Variants in SGIP1 observed in about 807,000 individuals in gnomAD.
SGIP1 encodes SH3-containing GRB2-like protein 3-interacting protein 1.
In SGIP1, 38 loss-of-function variants were observed where a neutral mutation model predicts 107.5. The observed-to-expected ratio is 0.35, with a 90% CI of 0.27 to 0.46. The LOEUF (loss-of-function observed/expected upper bound fraction) is 0.46, where lower values mean the gene tolerates loss of function less well. Ranked by LOEUF, SGIP1 falls within the 20% of genes least tolerant of loss-of-function variation. The pLI is 1.00. For missense variants in SGIP1, 929 were observed against 1,019.5 expected, an observed-to-expected ratio of 0.91 and a Z score of 1.21; for synonymous variants, 365 against 366.1, an observed-to-expected ratio of 1.00 and a Z score of 0.03.
chr1:66,670,096 A>G (rs1173672098), intron 9 of SGIP1, among the ~76,000 whole-genome samples: 2 of 152,024 alleles, frequency 1.3e-5, no homozygotes, highest in East Asian at 3.9e-4. Flanking sequence ...CCTGTCCTCA[A>G]CTCTGCCCCT....
chr1:66,743,345 T>G lies in SGIP1; in HGVS notation c.*250T>G. The G allele has an allele frequency of 2.8e-6, 1 of 355,726 alleles. No individual in the cohort carries two copies. The highest frequency in any genetic ancestry group is 5.2e-6 in the Non-Finnish European group (1 of 193,250). The allele number at this position is 355,726 out of a possible 1,614,324, so 22.0% of individuals were successfully genotyped here. A position where few individuals can be genotyped will look rare whatever the true frequency, so the allele number is the denominator to read the frequency against. ...ATTATTGTATTTGTAAATTGTACTC[T>G]CATTCCAGTAAGGCAGTTAGACACT... is the stretch of plus-strand genomic sequence containing the variant. On this transcript the variant is annotated 3_prime_UTR_variant, in exon 25 of 25. Transcript: ENST00000371037.
At chr1:66,640,014 G>T (rs2076482536) in intron 5 of SGIP1, among the ~76,000 whole-genome samples, 181 bp downstream of exon 5, 1 of 152,184 alleles carries the variant, frequency 6.6e-6, no homozygotes, top group African/African-American at 2.4e-5. Flanking sequence ...TTAAGATCTT[G>T]TCCAAGCTTG....
intron 1 of SGIP1, among the ~76,000 whole-genome samples, chr1:66,536,930 T>C (rs761409895): frequency 6.6e-6 from 1 of 152,192 alleles, no homozygotes; most frequent in Non-Finnish European, 1.5e-5. Context: ...TTCTCTACTT[T>C]GTGTAAAGCA....
chr1:66,738,823 A>G, intron 21 of SGIP1, among the ~76,000 whole-genome samples: 1 of 152,190 alleles, frequency 6.6e-6, no homozygotes, highest in Admixed American at 6.5e-5. Context: ...AATAGGTGAC[A>G]TTTATCAAAA....
At chr1:66,569,450 T>C (rs1011578698) in intron 1 of SGIP1, among the ~76,000 whole-genome samples, 1 of 151,930 alleles carries the variant, frequency 6.6e-6, no homozygotes, top group Non-Finnish European at 1.5e-5. Flanking sequence ...AAATGGGTGT[T>C]GGATTTTGTC....
chr1:66,610,085 G>A (rs763308306), intron 1 of SGIP1, among the ~76,000 whole-genome samples: 4 of 152,104 alleles, frequency 2.6e-5, no homozygotes, highest in East Asian at 1.9e-4. Flanking sequence ...CTGGAAATGT[G>A]AGTCAGATTT....
chr1:66,698,824 T>C (rs748906731), intron 18 of SGIP1, among the ~76,000 whole-genome samples: 3 of 151,918 alleles, frequency 2.0e-5, no homozygotes, highest in Non-Finnish European at 2.9e-5. Context: ...CCTAGAGTAT[T>C]TGAACATCAA....
intron 11 of SGIP1, 23 bp downstream of exon 11, chr1:66,672,018 G>A: frequency 6.2e-7 from 1 of 1,611,970 alleles, no homozygotes; most frequent in African/African-American, 1.3e-5. Context: ...GACATTAGTT[G>A]TGTTTTATGC....
chr1:66,565,170 T>G (rs2059472778), intron 1 of SGIP1, among the ~76,000 whole-genome samples: 2 of 152,052 alleles, frequency 1.3e-5, no homozygotes, highest in South Asian at 4.1e-4. Flanking sequence ...TTTCTGCTAA[T>G]GCATTGTCAT....
chr1:66,610,383 G>T (rs1161109106), intron 1 of SGIP1, among the ~76,000 whole-genome samples: 1 of 152,186 alleles, frequency 6.6e-6, no homozygotes, highest in Non-Finnish European at 1.5e-5. Flanking sequence ...GAAGTAAAGG[G>T]ATGAAAGTTT....
intron 1 of SGIP1, among the ~76,000 whole-genome samples, chr1:66,599,529 G>C (rs534499355): frequency 6.6e-6 from 1 of 152,168 alleles, no homozygotes; most frequent in Admixed American, 6.5e-5. Flanking sequence ...CTTTTACAAA[G>C]CTGTACTCTC....
chr1:66,556,479 G>A (rs541480588), intron 1 of SGIP1, among the ~76,000 whole-genome samples: 1 of 152,244 alleles, frequency 6.6e-6, no homozygotes, highest in African/African-American at 2.4e-5. Flanking sequence ...GATTGAGTTG[G>A]CTCAACTTGA....
Position 66,634,223 on chromosome 1 carries a change from T to A in SGIP1, c.99+1129T>A, listed in dbSNP as rs1040822825. On this transcript the variant is annotated intron_variant, in intron 3 of 24. Transcript: ENST00000371037. ...GGCTTGGTCCCCTCCCTGGGTTCTCTGGTCCCCTCTGACCTTTGCAAAGCT... is the reference window on the plus strand; with the variant it reads ...GGCTTGGTCCCCTCCCTGGGTTCTCAGGTCCCCTCTGACCTTTGCAAAGCT... 2.7e-5 allele frequency: 36 copies of A among 1,325,630 alleles called. No individual in the cohort carries two copies. The South Asian group carries it at 4.4e-4, about 16-fold the overall frequency. The allele number at this position is 1,325,630 out of a possible 1,614,324, so 82.1% of individuals were successfully genotyped here. A position where few individuals can be genotyped will look rare whatever the true frequency, so the allele number is the denominator to read the frequency against.
chr1:66,593,355 A>G (rs560451975), intron 1 of SGIP1, among the ~76,000 whole-genome samples: 5 of 152,302 alleles, frequency 3.3e-5, no homozygotes, highest in African/African-American at 1.2e-4. Flanking sequence ...GTTTAGTTTT[A>G]TAAGAAACTG....
In SGIP1 at chr1:66,582,563, G is replaced by A. The variant is rs536288775; in HGVS notation, c.11-43284G>A. Among the ~76,000 whole-genome samples the A allele has an allele frequency of 6.6e-5, 10 of 151,542 alleles. No homozygotes were observed. In the East Asian group the frequency reaches 7.7e-4, roughly 12 times the overall value. On this transcript the variant is annotated intron_variant, in intron 1 of 24. Transcript: ENST00000371037. ...TTTGTAAAGGGCTTTGCCAATTTATGTCAGTGGAAAAGGAGTTAACAGTTT... is the reference window on the plus strand; with the variant it reads ...TTTGTAAAGGGCTTTGCCAATTTATATCAGTGGAAAAGGAGTTAACAGTTT...
At chr1:66,686,508 A>T (rs1195089811) in intron 15 of SGIP1, among the ~76,000 whole-genome samples, 1 of 152,220 alleles carries the variant, frequency 6.6e-6, no homozygotes, top group Non-Finnish European at 1.5e-5. Flanking sequence ...TTGAAAATTG[A>T]AGAGTGAGGA....
intron 1 of SGIP1, among the ~76,000 whole-genome samples, chr1:66,624,214 T>A (rs2072010057): frequency 6.6e-6 from 1 of 152,140 alleles, no homozygotes; most frequent in Non-Finnish European, 1.5e-5. Context: ...AGAAGCCAAT[T>A]AGGAGACTTG....
intron 14 of SGIP1, among the ~76,000 whole-genome samples, chr1:66,681,064 T>C (rs1306432781): frequency 6.6e-6 from 1 of 152,224 alleles, no homozygotes; most frequent in South Asian, 2.1e-4. Context: ...ACAGTTATGC[T>C]TATGAGGTTG....
chr1:66,645,841 T>TTTGTTG (rs367871171), intron 7 of SGIP1, among the ~76,000 whole-genome samples: 95 of 152,140 alleles, frequency 6.2e-4, no homozygotes, highest in African/African-American at 2.1e-3. Flanking sequence ...TATAGATAGT[T>TTTGTTG]TTGTTGTTGT....
Sources: gnomAD v4.1 joint callset for allele counts (sites outside exome capture counted in the v4.1 genomes callset) on GRCh38, gnomAD v4.1.1 for gene constraint, MANE v1.5 for transcripts, NCBI Gene and HGNC (gene_info 2026-07-23, HGNC 2026-07-21) for gene names.